TMEM65: variants seen among roughly 807,000 people sequenced by gnomAD.
TMEM65 encodes the protein transmembrane protein 65.
In TMEM65, 22 loss-of-function variants were observed where a neutral mutation model predicts 25.4. The observed-to-expected ratio is 0.86, with a 90% CI of 0.62 to 1.23. The LOEUF is 1.23. Among genes scored for constraint, TMEM65 ranks in the 50% most tolerant of loss-of-function variants. TMEM65 has a pLI of 0.00. For synonymous variants in TMEM65, 132 were observed against 126.2 expected, an observed-to-expected ratio of 1.05 and a Z score of -0.31; for missense variants, 262 against 308.2, an observed-to-expected ratio of 0.85 and a Z score of 1.12.
At chr8:124,322,210 C>T in intron 4 of TMEM65, 63 bp from the exon 5 acceptor site, 4 of 1,220,554 alleles carry the variant, frequency 3.3e-6, no homozygotes, top group Non-Finnish European at 3.5e-6. Context: ...ACTATGTAAT[C>T]AATAAAGCAC....
rs80027594 is a variant in TMEM65, at chr8:124,343,447, A to G, written c.305-12655T>C. On this transcript the variant is annotated intron_variant, in intron 1 of 6. Coordinates refer to ENST00000297632, the MANE Select transcript of TMEM65 (RefSeq NM_194291.3). Reference sequence around the variant, plus strand: ...ACTGATGACAATCAGACCTTTCACTATCTAGAACCAGGAGTTTAGGTCTTT... The same window carrying G: ...ACTGATGACAATCAGACCTTTCACTGTCTAGAACCAGGAGTTTAGGTCTTT... Among the ~76,000 whole-genome samples, 1,029 of 152,224 alleles carry G rather than the reference A, an allele frequency of 6.8e-3. 9 individuals carry two copies. The highest frequency in any genetic ancestry group is 0.022 in the African/African-American group (912 of 41,542).
chr8:124,332,363 A>ATTTTT (rs1391989330), intron 1 of TMEM65, among the ~76,000 whole-genome samples: 32 of 152,278 alleles, frequency 2.1e-4, no homozygotes, highest in African/African-American at 7.7e-4. Context: ...GAAATACCTA[A>ATTTTT]AAATTCAACA....
intron 1 of TMEM65, among the ~76,000 whole-genome samples, chr8:124,361,504 G>A (rs1814860550): frequency 6.7e-6 from 1 of 149,220 alleles, no homozygotes; most frequent in Admixed American, 6.7e-5. Flanking sequence ...CTAGATATAA[G>A]AGGAAACAAG....
At chr8:124,356,658 G>C (rs1814786135) in intron 1 of TMEM65, among the ~76,000 whole-genome samples, 1 of 152,000 alleles carries the variant, frequency 6.6e-6, no homozygotes, top group African/African-American at 2.4e-5. Flanking sequence ...ACACACCTCA[G>C]CCCCAATATT....
At chr8:124,353,340 CATCAGAGA>C (rs1318017763) in intron 1 of TMEM65, among the ~76,000 whole-genome samples, 4 of 151,824 alleles carry the variant, frequency 2.6e-5, no homozygotes, top group African/African-American at 9.7e-5. Flanking sequence ...GGAATTTCTC[CATCAGAGA>C]ATGGAGTTAG....
chr8:124,335,343 G>A (rs1252720090), intron 1 of TMEM65, among the ~76,000 whole-genome samples: 2 of 152,122 alleles, frequency 1.3e-5, no homozygotes, highest in Non-Finnish European at 2.9e-5. Flanking sequence ...CTGCGATACA[G>A]AAAGTGCAAG....
At chr8:124,316,887 T>G (rs959973132) in intron 6 of TMEM65, among the ~76,000 whole-genome samples, 2 of 152,142 alleles carry the variant, frequency 1.3e-5, no homozygotes, top group South Asian at 4.1e-4. Flanking sequence ...AGCCCAAAAT[T>G]AACATTCTAC....
intron 3 of TMEM65, 97 bp from the exon 4 acceptor site, chr8:124,323,472 C>T: frequency 1.7e-6 from 1 of 576,440 alleles, no homozygotes; most frequent in Non-Finnish European, 2.9e-6. Flanking sequence ...GTTAAATCAA[C>T]ATGTTAGTGC....
At chr8:124,348,948 A>C (rs773351592) in intron 1 of TMEM65, among the ~76,000 whole-genome samples, 2 of 152,180 alleles carry the variant, frequency 1.3e-5, no homozygotes, top group Non-Finnish European at 2.9e-5. Context: ...AACTTCCTAC[A>C]ATGCACAACA....
In TMEM65 at chr8:124,372,013, C is replaced by T; in HGVS notation, c.145G>A (p.Gly49Ser). 2 of 1,313,410 alleles carry T rather than the reference C, an allele frequency of 1.5e-6. No homozygotes were observed. Among genetic ancestry groups the T allele is most frequent in the East Asian group, 6.3e-5 (2 of 31,706 alleles). 81.4% of individuals were successfully genotyped at this position (1,313,410 alleles called of 1,614,324 possible). ...LALAPPGGLP[G>S]GPRRLGTHPK... ...TGCGTGCCCAGCCGCCTGGGGCCGC[C>T]CGGCAAGCCGCCGGGGGGCGCGAGC... is the stretch of plus-strand genomic sequence containing the variant. The change falls in exon 1 of 7, where the codon GGC becomes AGC. Residue 49 changes from glycine (G) to serine (S), a missense_variant. By Grantham distance (56) the Gly-to-Ser change is moderately conservative (BLOSUM62 0). Coordinates refer to ENST00000297632, the MANE Select transcript of TMEM65 (RefSeq NM_194291.3).
intron 2 of TMEM65, among the ~76,000 whole-genome samples, chr8:124,328,976 A>G (rs1814399459): frequency 6.6e-6 from 1 of 152,020 alleles, no homozygotes; most frequent in African/African-American, 2.4e-5. Flanking sequence ...GGACAATACT[A>G]TATACAGTAT....
In TMEM65 at chr8:124,312,885, A is replaced by T. The variant is rs1814181285; in HGVS notation, c.*1075T>A. The stretch of plus-strand genomic sequence containing the variant: ...TCAACAGAAATTATTCATAAATAAA[A>T]TTCACTAAATAAGATATAATGAGAT... On this transcript the variant is annotated 3_prime_UTR_variant, in exon 7 of 7. Transcript: ENST00000297632. The T allele has an allele frequency of 6.6e-6, 1 of 151,938 alleles. No individual in the cohort carries two copies. Among genetic ancestry groups the T allele is most frequent in the Non-Finnish European group, 1.5e-5 (1 of 67,840 alleles). The allele number at this position is 151,938 out of a possible 1,614,324, so 9.4% of individuals were successfully genotyped here.
chr8:124,344,402 T>C (rs1290431210), intron 1 of TMEM65, among the ~76,000 whole-genome samples: 2 of 152,224 alleles, frequency 1.3e-5, no homozygotes, highest in Non-Finnish European at 2.9e-5. Context: ...GAGGTTATGA[T>C]TAGAAATTTG....
At chr8:124,348,294 G>C (rs1010688634) in intron 1 of TMEM65, among the ~76,000 whole-genome samples, 1 of 151,458 alleles carries the variant, frequency 6.6e-6, no homozygotes, top group Non-Finnish European at 1.5e-5. Flanking sequence ...TTTTTTTTAA[G>C]GATAATCAGA....
intron 1 of TMEM65, among the ~76,000 whole-genome samples, chr8:124,368,127 T>C (rs1008620047): frequency 6.6e-6 from 1 of 151,770 alleles, no homozygotes; most frequent in African/African-American, 2.4e-5. Flanking sequence ...ACCTCAAAGA[T>C]GTACCCCCGA....
intron 1 of TMEM65, among the ~76,000 whole-genome samples, chr8:124,342,035 T>C (rs1814589100): frequency 6.6e-6 from 1 of 152,080 alleles, no homozygotes; most frequent in South Asian, 2.1e-4. Flanking sequence ...AGAAACTGTA[T>C]GAAATTCATA....
chr8:124,333,476 T>C (rs924576551), intron 1 of TMEM65, among the ~76,000 whole-genome samples: 5 of 150,934 alleles, frequency 3.3e-5, no homozygotes, highest in Admixed American at 6.6e-5. Flanking sequence ...TGTGCGTGTG[T>C]GTGTGTGTGT....
At chr8:124,363,576 G>A (rs372002174) in intron 1 of TMEM65, among the ~76,000 whole-genome samples, 4 of 152,062 alleles carry the variant, frequency 2.6e-5, no homozygotes, top group African/African-American at 7.2e-5. Flanking sequence ...AACAAGAAGC[G>A]CCTGTAATCC....
chr8:124,351,118 G>A (rs1814701535), intron 1 of TMEM65: 1 of 984,582 alleles, frequency 1.0e-6, no homozygotes, highest in African/African-American at 1.7e-5. Context: ...ATATCTGCAT[G>A]CTAAAAGATA....
Sources: gnomAD v4.1 joint callset for allele counts (sites outside exome capture counted in the v4.1 genomes callset) on GRCh38, gnomAD v4.1.1 for gene constraint, MANE v1.5 for transcripts, NCBI Gene and HGNC (gene_info 2026-07-23, HGNC 2026-07-21) for gene names.